AMPH: variants seen among roughly 807,000 people sequenced by gnomAD.
AMPH encodes amphiphysin, also known as amphiphysin (Stiff-Mann syndrome with breast cancer 128kD autoantigen).
In AMPH, 49 loss-of-function variants were observed where a neutral mutation model predicts 99.1. That is an observed-to-expected ratio of 0.49 (90% CI 0.39 to 0.63). AMPH has a LOEUF of 0.63. AMPH is among the 20% of genes least tolerant of loss of function. AMPH has a pLI of 0.00. For missense variants in AMPH, 759 were observed against 863.4 expected, an observed-to-expected ratio of 0.88 and a Z score of 1.52; for synonymous variants, 314 against 317.3, an observed-to-expected ratio of 0.99 and a Z score of 0.11.
chr7:38,504,480 G>A (rs1450231021), intron 2 of AMPH, among the ~76,000 whole-genome samples: 4 of 152,196 alleles, frequency 2.6e-5, no homozygotes, highest in Admixed American at 1.3e-4. Context: ...GAGTAGAGAA[G>A]TGAGGCAGAG....
intron 10 of AMPH, 43 bp from the exon 11 acceptor site, chr7:38,461,454 T>C (rs1176499674): frequency 6.2e-7 from 1 of 1,612,524 alleles, no homozygotes; most frequent in South Asian, 1.1e-5. Flanking sequence ...CCAAAGACAA[T>C]GTGTCAGACA....
At chr7:38,563,149 G>C (rs978467162) in intron 1 of AMPH, among the ~76,000 whole-genome samples, 5 of 152,058 alleles carry the variant, frequency 3.3e-5, no homozygotes, top group Non-Finnish European at 5.9e-5. Context: ...ATGAATGAAT[G>C]AATGAATGAA....
intron 2 of AMPH, among the ~76,000 whole-genome samples, chr7:38,520,340 T>A (rs1204900158): frequency 3.9e-5 from 6 of 152,216 alleles, no homozygotes; most frequent in Non-Finnish European, 2.9e-5. Context: ...ATGTTTTGCA[T>A]GTATAGTCAT....
At chr7:38,551,187 T>C (rs372270032) in intron 1 of AMPH, among the ~76,000 whole-genome samples, 26 of 152,308 alleles carry the variant, frequency 1.7e-4, no homozygotes, top group African/African-American at 5.5e-4. Context: ...GGCAAATCTA[T>C]GTCAGATTTC....
At chr7:38,448,014 T>C (rs1309517697) in intron 11 of AMPH, among the ~76,000 whole-genome samples, 1 of 152,144 alleles carries the variant, frequency 6.6e-6, no homozygotes, top group East Asian at 1.9e-4. Context: ...AATAAAATCT[T>C]TAGGAACAAG....
chr7:38,581,263 GA>G (rs1398920684), intron 1 of AMPH, among the ~76,000 whole-genome samples: 1 of 151,756 alleles, frequency 6.6e-6, no homozygotes, highest in African/African-American at 2.4e-5. Context: ...AAGAGTGTTG[GA>G]GGAATTGCAA....
chr7:38,432,966 G>A (rs1786095377), intron 12 of AMPH, among the ~76,000 whole-genome samples: 1 of 152,204 alleles, frequency 6.6e-6, no homozygotes, highest in Non-Finnish European at 1.5e-5. Context: ...GGTGAGGGGA[G>A]CAGGGAAGAC....
intron 1 of AMPH, among the ~76,000 whole-genome samples, chr7:38,609,645 A>G (rs1793557173): frequency 6.6e-6 from 1 of 152,210 alleles, no homozygotes; most frequent in Non-Finnish European, 1.5e-5. Context: ...TATCTTCTGT[A>G]TGATCTCAAC....
chr7:38,591,406 G>C (rs560512126), intron 1 of AMPH, among the ~76,000 whole-genome samples: 153 of 151,346 alleles, frequency 1.0e-3, no homozygotes, highest in African/African-American at 3.7e-3. Flanking sequence ...TCCTGCCTCA[G>C]CCTCCCTAGT....
At chr7:38,472,217 C>T (rs78672931) in intron 7 of AMPH, among the ~76,000 whole-genome samples, 14,661 of 152,150 alleles carry the variant, frequency 0.096, 942 homozygotes, top group Middle Eastern at 0.2. Context: ...CAGTATTATG[C>T]ATTTCCTCAT....
rs1014430774 is a variant in AMPH, at chr7:38,426,867, T to C, written c.1215+87A>G. On this transcript the variant is annotated intron_variant, in intron 15 of 20. Coordinates refer to ENST00000356264, the MANE Select transcript of AMPH (RefSeq NM_001635.4). ...GCTGATATTCTTAATCATTACGCTATACTAGTGGCACAGAGAACCAAACCA... is the reference window on the plus strand; with the variant it reads ...GCTGATATTCTTAATCATTACGCTACACTAGTGGCACAGAGAACCAAACCA... 35 of 1,230,660 alleles carry C rather than the reference T, an allele frequency of 2.8e-5. No individual in the cohort carries two copies. In the Admixed American group the frequency reaches 6.1e-4, roughly 21 times the overall value. The allele number at this position is 1,230,660 out of a possible 1,614,324, so 76.2% of individuals were successfully genotyped here.
At chr7:38,385,977 A>G (rs1784338398) in intron 20 of AMPH, among the ~76,000 whole-genome samples, 1 of 148,118 alleles carries the variant, frequency 6.8e-6, no homozygotes, top group South Asian at 2.1e-4. Flanking sequence ...AACCCCCAAC[A>G]TAGTTCAAGT....
At chr7:38,459,943 T>C (rs1787378293) in intron 11 of AMPH, among the ~76,000 whole-genome samples, 2 of 151,672 alleles carry the variant, frequency 1.3e-5, no homozygotes, top group Admixed American at 6.6e-5. Flanking sequence ...AGACAGACAT[T>C]CAACAAGGGA....
chr7:38,465,334 A>G, intron 9 of AMPH, 133 bp downstream of exon 9: 1 of 657,834 alleles, frequency 1.5e-6, no homozygotes, highest in South Asian at 2.6e-5. Flanking sequence ...AAATAAAATT[A>G]GTGTCAGCTT....
chr7:38,492,789 T>C (rs1040956129), intron 4 of AMPH, among the ~76,000 whole-genome samples: 3 of 152,162 alleles, frequency 2.0e-5, no homozygotes, highest in Non-Finnish European at 4.4e-5. Flanking sequence ...TTGCCACACA[T>C]AGAAGGTAAC....
intron 1 of AMPH, among the ~76,000 whole-genome samples, chr7:38,607,557 G>A (rs753972785): frequency 2.6e-5 from 4 of 152,272 alleles, no homozygotes; most frequent in Non-Finnish European, 4.4e-5. Flanking sequence ...CAGGACCCCC[G>A]GTGAAGCAAG....
At chr7:38,613,049 TA>T (rs912881427) in intron 1 of AMPH, among the ~76,000 whole-genome samples, 21 of 150,942 alleles carry the variant, frequency 1.4e-4, no homozygotes, top group African/African-American at 2.9e-4. Context: ...ACTGCAACCT[TA>T]AAAAAAAAGC....
chr7:38,571,204 ATTAT>A (rs1397749181), intron 1 of AMPH, among the ~76,000 whole-genome samples: 2 of 93,122 alleles, frequency 2.1e-5, no homozygotes, highest in African/African-American at 4.5e-5. Flanking sequence ...TTTATATATA[ATTAT>A]TTATATATTT....
intron 20 of AMPH, among the ~76,000 whole-genome samples, chr7:38,386,945 G>A (rs997424264): frequency 2.6e-5 from 4 of 152,190 alleles, no homozygotes; most frequent in African/African-American, 9.7e-5. Context: ...TCCCAGAGAA[G>A]CTGTACACTC....
Sources: gnomAD v4.1 joint callset for allele counts (sites outside exome capture counted in the v4.1 genomes callset) on GRCh38, gnomAD v4.1.1 for gene constraint, MANE v1.5 for transcripts, NCBI Gene and HGNC (gene_info 2026-07-23, HGNC 2026-07-21) for gene names.